Variants in RGS6 observed in about 807,000 individuals in gnomAD.
RGS6 encodes the protein regulator of G-protein signaling 6.
Under a neutral mutation model 78.5 loss-of-function variants are expected in RGS6, and 30 were observed. The ratio of observed to expected loss-of-function variants is 0.38; its 90% CI spans 0.29 to 0.52. RGS6 has a LOEUF of 0.52. Ranked by LOEUF, RGS6 falls within the 20% of genes least tolerant of loss-of-function variation. RGS6 has a pLI of 0.85. For synonymous variants in RGS6, 206 were observed against 206.0 expected, an observed-to-expected ratio of 1.00 and a Z score of 0.00; for missense variants, 495 against 609.7, an observed-to-expected ratio of 0.81 and a Z score of 1.98.
downstream of RGS6, among the ~76,000 whole-genome samples, chr14:72,566,730 C>A (rs1388040573): frequency 2.0e-5 from 3 of 150,688 alleles, no homozygotes; most frequent in Non-Finnish European, 2.9e-5. Flanking sequence ...CACAGAAAAA[C>A]CAGATCTCTG....
At chr14:72,185,494 C>T (rs1164998061) in intron 2 of RGS6, among the ~76,000 whole-genome samples, 1 of 152,076 alleles carries the variant, frequency 6.6e-6, no homozygotes, top group African/African-American at 2.4e-5. Flanking sequence ...CTCTCAATAA[C>T]AAATTTATTT....
At chr14:72,191,591 A>G (rs995577710) in intron 2 of RGS6, among the ~76,000 whole-genome samples, 2 of 152,162 alleles carry the variant, frequency 1.3e-5, no homozygotes, top group African/African-American at 4.8e-5. Context: ...TCTTTATAAA[A>G]CCATCAGATC....
chr14:72,572,107 A>G, the RGS6 span, among the ~76,000 whole-genome samples: 16 of 152,220 alleles, frequency 1.1e-4, no homozygotes, highest in African/African-American at 3.9e-4. Flanking sequence ...ATGATGAGAT[A>G]CCACTTCACA....
At chr14:72,430,304 A>G (rs1218089476) in intron 3 of RGS6, among the ~76,000 whole-genome samples, 1 of 152,192 alleles carries the variant, frequency 6.6e-6, no homozygotes, top group Non-Finnish European at 1.5e-5. Flanking sequence ...TAAACAAAAC[A>G]TTAAAACCCT....
chr14:72,556,398 A>AATC (rs929690523), intron 17 of RGS6, among the ~76,000 whole-genome samples: 1 of 152,108 alleles, frequency 6.6e-6, no homozygotes, highest in African/African-American at 2.4e-5. Flanking sequence ...CCCATGATCC[A>AATC]ATCACCTCCC....
intron 2 of RGS6, among the ~76,000 whole-genome samples, chr14:72,095,937 T>G (rs1447945346): frequency 1.3e-5 from 2 of 152,174 alleles, no homozygotes; most frequent in Admixed American, 1.3e-4. Flanking sequence ...TCAGAAGATT[T>G]TGCTTTTGTT....
At chr14:72,608,899 CCTCTCTCTCTTT>C in the RGS6 span, among the ~76,000 whole-genome samples, 33 of 152,260 alleles carry the variant, frequency 2.2e-4, no homozygotes, top group Admixed American at 1.4e-3. Flanking sequence ...TCTCTCTCTC[CCTCTCTCTCTTT>C]CTCTCTCTCT....
chr14:72,411,190 TCCTA>T (rs1256013974), intron 3 of RGS6, among the ~76,000 whole-genome samples: 4 of 152,236 alleles, frequency 2.6e-5, no homozygotes, highest in African/African-American at 9.6e-5. Flanking sequence ...TATTGATTCT[TCCTA>T]CCCATGAGCA....
the RGS6 span, among the ~76,000 whole-genome samples, chr14:71,910,646 A>G: frequency 1.3e-5 from 2 of 152,198 alleles, no homozygotes; most frequent in Non-Finnish European, 2.9e-5. Context: ...TGTTCAAATG[A>G]GAAATGGTGA....
chr14:72,096,747 C>G (rs2153515603), intron 2 of RGS6, among the ~76,000 whole-genome samples: 1 of 152,302 alleles, frequency 6.6e-6, no homozygotes, highest in East Asian at 1.9e-4. Context: ...GGGGCTGCTG[C>G]AAAGCTTTTA....
At chr14:71,985,312 C>T (rs148277237) in intron 2 of RGS6, among the ~76,000 whole-genome samples, 100 of 152,134 alleles carry the variant, frequency 6.6e-4, no homozygotes, top group Non-Finnish European at 1.2e-3. Flanking sequence ...TTAGTAGAGA[C>T]GGGGTCTCAC....
chr14:72,134,973 A>C (rs1188379335), intron 2 of RGS6, among the ~76,000 whole-genome samples: 2 of 152,240 alleles, frequency 1.3e-5, no homozygotes, highest in Admixed American at 6.5e-5. Flanking sequence ...TTCAAATGCC[A>C]GTTTCTTCTG....
intron 14 of RGS6, among the ~76,000 whole-genome samples, chr14:72,513,321 T>C (rs2096901478): frequency 1.3e-5 from 2 of 152,238 alleles, no homozygotes; most frequent in South Asian, 4.2e-4. Flanking sequence ...ATTTCTATGA[T>C]GATGTAATAG....
At chr14:72,034,159 G>A (rs1368048286) in intron 2 of RGS6, among the ~76,000 whole-genome samples, 1 of 152,108 alleles carries the variant, frequency 6.6e-6, no homozygotes, top group East Asian at 1.9e-4. Context: ...CAATTTGGAT[G>A]CCATTTATTT....
chr14:72,304,946 A>AC (rs1403035110), intron 2 of RGS6, among the ~76,000 whole-genome samples: 1 of 152,090 alleles, frequency 6.6e-6, no homozygotes, highest in East Asian at 1.9e-4. Flanking sequence ...ACCAATTTAG[A>AC]CCCCCACAGG....
At chr14:72,039,885 A>T (rs1596459394) in intron 2 of RGS6, among the ~76,000 whole-genome samples, 3 of 63,668 alleles carry the variant, frequency 4.7e-5, no homozygotes, top group Admixed American at 3.8e-4. Context: ...TTCTATAGGT[A>T]TTTTCTTTGC....
At chr14:72,266,270 A>T (rs2153899747) in intron 2 of RGS6, among the ~76,000 whole-genome samples, 1 of 152,322 alleles carries the variant, frequency 6.6e-6, no homozygotes, top group Non-Finnish European at 1.5e-5. Context: ...GGGCTTCCAC[A>T]CATGGTGGTC....
At chr14:72,057,409 T>G (rs964941453) in intron 2 of RGS6, among the ~76,000 whole-genome samples, 1 of 151,700 alleles carries the variant, frequency 6.6e-6, no homozygotes, top group Non-Finnish European at 1.5e-5. Context: ...CCAGTTTGTA[T>G]CTGTAGCTGC....
rs553647268 is a variant in RGS6, at chr14:72,469,137, A to T, written c.460-870A>T. On this transcript the variant is annotated intron_variant, in intron 7 of 17. Transcript: ENST00000553525. The stretch of plus-strand genomic sequence containing the variant: ...TCTTTTTCTCTAACGGCAGCCCTCA[A>T]TGACTTTTCTTTCTGTTTTGGGCTT... Among the ~76,000 whole-genome samples, 46 of 151,614 alleles carry T rather than the reference A, an allele frequency of 3.0e-4. 1 individual carries two copies. Among genetic ancestry groups the T allele is most frequent in the South Asian group, 8.3e-4 (4 of 4,792 alleles).
Sources: gnomAD v4.1 joint callset for allele counts (sites outside exome capture counted in the v4.1 genomes callset) on GRCh38, gnomAD v4.1.1 for gene constraint, MANE v1.5 for transcripts, NCBI Gene and HGNC (gene_info 2026-07-23, HGNC 2026-07-21) for gene names.